RUNX2: variants seen among roughly 807,000 people sequenced by gnomAD.
The protein encoded by RUNX2 is runt-related transcription factor 2.
RUNX2 carries 10 observed loss-of-function variants against 51.7 expected under a neutral mutation model. The observed-to-expected ratio is 0.19, with a 90% CI of 0.12 to 0.33. The LOEUF is 0.33. Ranked by LOEUF, RUNX2 falls within the 10% of genes least tolerant of loss-of-function variation. RUNX2 has a pLI of 1.00. For synonymous variants in RUNX2, 276 were observed against 273.6 expected (o/e 1.01, Z -0.09); for missense variants, 562 against 691.3 (o/e 0.81, Z 2.10).
chr6:45,516,914 T>C (rs1051997295), intron 7 of RUNX2, among the ~76,000 whole-genome samples: 7 of 152,298 alleles, frequency 4.6e-5, no homozygotes, highest in Middle Eastern at 3.4e-3. Context: ...ATTGTTTGGG[T>C]CAGAGTATGA....
intron 2 of RUNX2, 123 bp downstream of exon 2, chr6:45,328,907 T>C: frequency 1.9e-6 from 2 of 1,030,340 alleles, no homozygotes; most frequent in South Asian, 1.4e-5. Context: ...TGCTATCTTG[T>C]TGCATTAAGA....
At chr6:45,522,360 G>T (rs1801531977) in intron 7 of RUNX2, among the ~76,000 whole-genome samples, 1 of 152,042 alleles carries the variant, frequency 6.6e-6, no homozygotes, top group African/African-American at 2.4e-5. Context: ...TAGGAAAGGA[G>T]ATCTCTTTTG....
intron 2 of RUNX2, among the ~76,000 whole-genome samples, chr6:45,340,781 A>T (rs1399276081): frequency 2.0e-5 from 3 of 152,142 alleles, no homozygotes; most frequent in Non-Finnish European, 4.4e-5. Flanking sequence ...AACACCAAGA[A>T]TGTCTAATCC....
chr6:45,445,617 CGAAGTGCCCAAGGA>C (rs1798972109), intron 5 of RUNX2, among the ~76,000 whole-genome samples: 2 of 152,064 alleles, frequency 1.3e-5, no homozygotes, highest in African/African-American at 4.8e-5. Flanking sequence ...TCACTGTCTC[CGAAGTGCCCAAGGA>C]ATAGAATTTA....
At chr6:45,471,604 C>T (rs1441994551) in intron 5 of RUNX2, among the ~76,000 whole-genome samples, 4 of 151,986 alleles carry the variant, frequency 2.6e-5, no homozygotes, top group Non-Finnish European at 5.9e-5. Flanking sequence ...ACCACCACGC[C>T]CAGCTAATTT....
intron 6 of RUNX2, among the ~76,000 whole-genome samples, chr6:45,503,184 T>A (rs999856241): frequency 6.6e-6 from 1 of 152,176 alleles, no homozygotes; most frequent in Non-Finnish European, 1.5e-5. Context: ...TTTACCATAG[T>A]TATATGATTA....
chr6:45,366,924 C>A (rs887482857), intron 2 of RUNX2, among the ~76,000 whole-genome samples: 2 of 152,154 alleles, frequency 1.3e-5, no homozygotes, highest in African/African-American at 4.8e-5. Context: ...ATACTGCTGC[C>A]AAATTTATCT....
intron 2 of RUNX2, among the ~76,000 whole-genome samples, chr6:45,407,197 G>A (rs1288027443): frequency 2.6e-5 from 4 of 151,344 alleles, no homozygotes; most frequent in Admixed American, 6.6e-5. Flanking sequence ...TCCGCCTCCC[G>A]GGCTCAAGCG....
chr6:45,441,294 G>A (rs1259155415), intron 5 of RUNX2, among the ~76,000 whole-genome samples: 2 of 152,158 alleles, frequency 1.3e-5, no homozygotes, highest in African/African-American at 4.8e-5. Flanking sequence ...TAGCTCAGCT[G>A]TTTGAACAAG....
intron 5 of RUNX2, among the ~76,000 whole-genome samples, chr6:45,472,481 A>G (rs1197213039): frequency 5.3e-5 from 8 of 152,156 alleles, no homozygotes; most frequent in Non-Finnish European, 1.5e-5. Flanking sequence ...GGCCACACAC[A>G]CAGGAGCGGG....
At chr6:45,418,428 G>A (rs1798109935) in intron 2 of RUNX2, among the ~76,000 whole-genome samples, 1 of 152,152 alleles carries the variant, frequency 6.6e-6, no homozygotes, top group Non-Finnish European at 1.5e-5. Flanking sequence ...GAAAAAAAGT[G>A]TATACTTTTT....
At chr6:45,516,996 T>C (rs1563120475) in intron 7 of RUNX2, among the ~76,000 whole-genome samples, 1 of 152,048 alleles carries the variant, frequency 6.6e-6, no homozygotes, top group African/African-American at 2.4e-5. Flanking sequence ...CTCATTTGAG[T>C]GAAGTAGCTT....
At chr6:45,512,492 C>G in intron 7 of RUNX2, 85 bp downstream of exon 7, 1 of 1,424,688 alleles carries the variant, frequency 7.0e-7, no homozygotes, top group Non-Finnish European at 9.8e-7. Flanking sequence ...CATCCATGCT[C>G]ACAGTGACTC....
chr6:45,541,977 C>T (rs1802244506), intron 7 of RUNX2, among the ~76,000 whole-genome samples: 1 of 151,986 alleles, frequency 6.6e-6, no homozygotes, highest in Non-Finnish European at 1.5e-5. Flanking sequence ...ACAGGTGTGA[C>T]TGTTATGAAG....
chr6:45,428,750 A>G (rs1798453594), intron 3 of RUNX2, among the ~76,000 whole-genome samples: 1 of 152,164 alleles, frequency 6.6e-6, no homozygotes, highest in East Asian at 1.9e-4. Flanking sequence ...CATTTCTTCT[A>G]ACTAAAAAAA....
At chr6:45,344,436 G>GC (rs1562989700) in intron 2 of RUNX2, among the ~76,000 whole-genome samples, 1 of 147,542 alleles carries the variant, frequency 6.8e-6, no homozygotes, top group Non-Finnish European at 1.5e-5. Context: ...TTCTCTGATG[G>GC]TTTTTTTTTT....
chr6:45,400,178 G>C (rs1582071959), intron 2 of RUNX2, among the ~76,000 whole-genome samples: 1 of 133,330 alleles, frequency 7.5e-6, no homozygotes. Flanking sequence ...AAGGAAAGAA[G>C]GAGGGAATGA....
In RUNX2 at chr6:45,328,881, T is replaced by C. The variant is rs12205523; in HGVS notation, c.58+97T>C. 0.27 allele frequency: 337,795 copies of C among 1,236,318 alleles called. 50,294 individuals are homozygous for C. Among genetic ancestry groups the C allele is most frequent in the Non-Finnish European group, 0.32 (266,041 of 840,462 alleles). 76.6% of individuals were successfully genotyped at this position (1,236,318 alleles called of 1,614,324 possible). A position where few individuals can be genotyped will look rare whatever the true frequency, so the allele number is the denominator to read the frequency against. On this transcript the variant is annotated intron_variant, in intron 2 of 8. Coordinates refer to ENST00000647337, the MANE Select transcript of RUNX2 (RefSeq NM_001024630.4). Reference sequence around the variant, plus strand: ...ACTGCTAGCTTTTCCAAATAGCATATTAAAGATCCTAATTATGCTATCTTG... The same window carrying C: ...ACTGCTAGCTTTTCCAAATAGCATACTAAAGATCCTAATTATGCTATCTTG...
intron 2 of RUNX2, among the ~76,000 whole-genome samples, chr6:45,392,966 C>T (rs1163483537): frequency 1.3e-5 from 2 of 151,970 alleles, no homozygotes; most frequent in African/African-American, 4.8e-5. Context: ...GGTTCTTTGT[C>T]CATGTCACAT....
Sources: allele counts gnomAD v4.1 joint callset (sites outside exome capture counted in the v4.1 genomes callset), GRCh38; gene constraint gnomAD v4.1.1; transcripts MANE v1.5; gene names NCBI Gene and HGNC (gene_info 2026-07-23, HGNC 2026-07-21).